The following CCDC141 variants were observed in gnomAD, a reference collection of about 807,000 sequenced individuals.
CCDC141 encodes coiled-coil domain containing 141.
CCDC141 carries 168 observed loss-of-function variants against 181.0 expected under a neutral mutation model. The ratio of observed to expected loss-of-function variants is 0.93; its 90% CI spans 0.82 to 1.05. CCDC141 has a LOEUF of 1.05. CCDC141 is among the 50% of genes least tolerant of loss of function. The probability of loss-of-function intolerance (pLI) is 0.00; values close to 1 mark genes in which losing one functional copy is unlikely to be tolerated. For missense variants in CCDC141, 1,902 were observed against 1,788.5 expected (o/e 1.06, Z -1.14); for synonymous variants, 666 against 642.3 (o/e 1.04, Z -0.56).
At chr2:179,045,671 C>T (rs2043473686) in intron 2 of CCDC141, among the ~76,000 whole-genome samples, 1 of 151,852 alleles carries the variant, frequency 6.6e-6, no homozygotes, top group South Asian at 2.1e-4. Flanking sequence ...TCTCCAGCAC[C>T]TGTTGTTTCC....
chr2:178,966,358 T>C (rs2154379483), intron 4 of CCDC141, among the ~76,000 whole-genome samples: 1 of 152,270 alleles, frequency 6.6e-6, no homozygotes, highest in East Asian at 1.9e-4. Flanking sequence ...AGACACCTCA[T>C]ACAGGAGAGC....
chr2:178,996,942 T>A (rs1692316493), intron 2 of CCDC141, among the ~76,000 whole-genome samples: 2 of 152,228 alleles, frequency 1.3e-5, no homozygotes, highest in Admixed American at 1.3e-4. Context: ...TATGGCCCAA[T>A]GCTTCCCAAG....
At chr2:178,979,072 A>G (rs925577689) in intron 2 of CCDC141, among the ~76,000 whole-genome samples, 1 of 152,230 alleles carries the variant, frequency 6.6e-6, no homozygotes, top group Admixed American at 6.5e-5. Flanking sequence ...AGCTTAGTTT[A>G]TTGCAAATAA....
At chr2:178,920,695 T>TACACACAC (rs59015092) in intron 6 of CCDC141, among the ~76,000 whole-genome samples, 33 of 146,772 alleles carry the variant, frequency 2.2e-4, no homozygotes, top group East Asian at 2.0e-3. Flanking sequence ...CTGAACTCCA[T>TACACACAC]ACACACACAC....
the CCDC141 span, among the ~76,000 whole-genome samples, chr2:178,819,957 G>T: frequency 6.6e-6 from 1 of 152,018 alleles, no homozygotes; most frequent in Admixed American, 6.6e-5. Context: ...AATGGTTTTT[G>T]AAAAGCATTC....
At chr2:179,034,289 A>G (rs967758207) in intron 2 of CCDC141, among the ~76,000 whole-genome samples, 4 of 152,198 alleles carry the variant, frequency 2.6e-5, no homozygotes, top group African/African-American at 7.2e-5. Context: ...TGGGAGCTAC[A>G]TGATGACAGA....
intron 2 of CCDC141, among the ~76,000 whole-genome samples, chr2:178,989,614 AAAT>A (rs1691942311): frequency 7.1e-6 from 1 of 140,786 alleles, no homozygotes; most frequent in East Asian, 2.0e-4. Context: ...AAAAATAAAT[AAAT>A]AAATAAATAA....
intron 5 of CCDC141, among the ~76,000 whole-genome samples, chr2:178,948,926 T>C (rs1184232769): frequency 1.3e-5 from 2 of 152,196 alleles, no homozygotes; most frequent in Non-Finnish European, 2.9e-5. Flanking sequence ...CAGTTTCAGG[T>C]GTTCCTTTGT....
intron 8 of CCDC141, among the ~76,000 whole-genome samples, chr2:178,895,748 A>G (rs1687376765): frequency 6.6e-6 from 1 of 152,206 alleles, no homozygotes; most frequent in South Asian, 2.1e-4. Flanking sequence ...TCTGACATTT[A>G]CCATCTAAAT....
intron 2 of CCDC141, among the ~76,000 whole-genome samples, chr2:179,034,827 CT>C (rs1173968407): frequency 6.6e-6 from 1 of 152,146 alleles, no homozygotes; most frequent in African/African-American, 2.4e-5. Flanking sequence ...TAAATGTTTA[CT>C]GGAAATGTAT....
At chr2:178,966,270 A>T (rs1325793321) in intron 4 of CCDC141, among the ~76,000 whole-genome samples, 1 of 152,232 alleles carries the variant, frequency 6.6e-6, no homozygotes, top group Admixed American at 6.5e-5. Flanking sequence ...AGCTCTGATA[A>T]GGGTCAGACT....
At chr2:178,915,276 A>C (rs999816372) in intron 7 of CCDC141, among the ~76,000 whole-genome samples, 3 of 152,214 alleles carry the variant, frequency 2.0e-5, no homozygotes, top group African/African-American at 7.2e-5. Flanking sequence ...TGAAAAAAGG[A>C]ATATATATGA....
At chr2:178,978,343 A>G (rs976123370) in intron 3 of CCDC141, 141 bp downstream of exon 3, 19 of 458,390 alleles carry the variant, frequency 4.1e-5, no homozygotes, top group Non-Finnish European at 5.4e-5. Context: ...CAAAAATTAA[A>G]TATATTGTGT....
chr2:179,022,028 A>G (rs1286187967), intron 2 of CCDC141, among the ~76,000 whole-genome samples: 1 of 152,180 alleles, frequency 6.6e-6, no homozygotes, highest in Non-Finnish European at 1.5e-5. Flanking sequence ...TTCTTTTTGG[A>G]TATTTGCGTA....
intron 2 of CCDC141, among the ~76,000 whole-genome samples, chr2:178,987,409 C>T (rs1691806939): frequency 6.6e-6 from 1 of 151,992 alleles, no homozygotes; most frequent in African/African-American, 2.4e-5. Context: ...TAGGCATGTG[C>T]AAGGACTTCA....
chr2:178,985,997 G>T (rs918834333), intron 2 of CCDC141, among the ~76,000 whole-genome samples: 5 of 152,172 alleles, frequency 3.3e-5, no homozygotes, highest in East Asian at 3.9e-4. Context: ...TACCAAAGCC[G>T]GGCAGAGACA....
chr2:178,817,439 T>C, the CCDC141 span: 2 of 465,850 alleles, frequency 4.3e-6, no homozygotes, highest in Non-Finnish European at 8.9e-6. Flanking sequence ...AGACTCATGC[T>C]CTTTTTCTGT....
chr2:178,878,452 T>C (rs908620860), intron 11 of CCDC141, among the ~76,000 whole-genome samples: 7 of 149,398 alleles, frequency 4.7e-5, no homozygotes, highest in African/African-American at 1.5e-4. Flanking sequence ...CTGCAGACTA[T>C]AGGCACCCGG....
At chr2:178,949,296 G>A (rs1299362918) in intron 5 of CCDC141, among the ~76,000 whole-genome samples, 2 of 152,116 alleles carry the variant, frequency 1.3e-5, no homozygotes, top group Admixed American at 6.5e-5. Flanking sequence ...TATTAGGTAC[G>A]AATTTAGGCA....
Sources: allele counts gnomAD v4.1 joint callset (sites outside exome capture counted in the v4.1 genomes callset), GRCh38; gene constraint gnomAD v4.1.1; transcripts MANE v1.5; gene names NCBI Gene and HGNC (gene_info 2026-07-23, HGNC 2026-07-21).